The following XPR1 variants were observed in gnomAD, a reference collection of about 807,000 sequenced individuals.
The protein encoded by XPR1 is xenotropic and polytropic retrovirus receptor 1.
XPR1 carries 28 observed loss-of-function variants against 87.5 expected under a neutral mutation model. The ratio of observed to expected loss-of-function variants is 0.32; its 90% confidence interval spans 0.24 to 0.44. The LOEUF (loss-of-function observed/expected upper bound fraction) is 0.44, where lower values mean the gene tolerates loss of function less well. Ranked by LOEUF, XPR1 falls within the 20% of genes least tolerant of loss-of-function variation. XPR1 has a pLI of 1.00. For synonymous variants in XPR1, 300 were observed against 306.1 expected (o/e 0.98, Z 0.21); for missense variants, 559 against 862.3 (o/e 0.65, Z 4.41).
rs1034659681 is a variant in XPR1, at chr1:180,761,517, A to G, written c.122-26236A>G. Among the ~76,000 whole-genome samples, 10 of 152,274 alleles carry G rather than the reference A, an allele frequency of 6.6e-5. No homozygotes were observed. In the South Asian group the frequency reaches 8.3e-4, roughly 13 times the overall value. ...TTTATGCAGCCAAAAAACACATGAA[A>G]AAATGCTCATCATCACTGGCCATCA... On this transcript the variant is annotated intron_variant, in intron 2 of 14. Transcript: ENST00000367590.
rs539489919 is a variant in XPR1, at chr1:180,702,729, T to C, written c.121+20318T>C. ...TTTATATTGTTTATCTGTGTTCTCA[T>C]TGAGTTTCTTTAATATTATTTTGAA... On this transcript the variant is annotated intron_variant, in intron 2 of 14. Transcript: ENST00000367590. 5.3e-5 allele frequency among the ~76,000 whole-genome samples: 8 copies of C among 152,292 alleles called. No homozygotes were observed. The South Asian group carries it at 1.5e-3, about 28-fold the overall frequency.
At chr1:180,790,157 A>T (rs775916920) in intron 3 of XPR1, among the ~76,000 whole-genome samples, 8 of 152,098 alleles carry the variant, frequency 5.3e-5, no homozygotes, top group Middle Eastern at 3.2e-3. Flanking sequence ...GCCTATAGAC[A>T]TTCTCATCCT....
intron 2 of XPR1, among the ~76,000 whole-genome samples, chr1:180,750,895 A>G (rs147699584): frequency 1.6e-3 from 248 of 152,150 alleles, no homozygotes; most frequent in Admixed American, 3.3e-3. Context: ...ACACTTCTGC[A>G]TTTATTTAGG....
chr1:180,656,078 C>T (rs1655456800), intron 1 of XPR1, among the ~76,000 whole-genome samples: 1 of 151,002 alleles, frequency 6.6e-6, no homozygotes, highest in African/African-American at 2.4e-5. Flanking sequence ...TTTTTTGGTA[C>T]CCATTAACTA....
In XPR1 at chr1:180,763,889, T is replaced by C. The variant is rs151097665; in HGVS notation, c.122-23864T>C. 3.3e-5 allele frequency among the ~76,000 whole-genome samples: 5 copies of C among 152,342 alleles called. 1 individual carries two copies. The East Asian group carries it at 9.6e-4, about 29-fold the overall frequency. On this transcript the variant is annotated intron_variant, in intron 2 of 14. Coordinates refer to ENST00000367590, the MANE Select transcript of XPR1 (RefSeq NM_004736.4). ...TTTTATCTCACCTAAAAAAATAAAATACTGTGTACACAATAACCCTTTAAT... is the reference window on the plus strand; with the variant it reads ...TTTTATCTCACCTAAAAAAATAAAACACTGTGTACACAATAACCCTTTAAT...
chr1:180,779,171 C>T (rs1366779796), intron 2 of XPR1, among the ~76,000 whole-genome samples: 1 of 152,064 alleles, frequency 6.6e-6, no homozygotes, highest in Non-Finnish European at 1.5e-5. Flanking sequence ...TCATTTCTTA[C>T]TCTGCCAGAA....
intron 2 of XPR1, among the ~76,000 whole-genome samples, chr1:180,709,589 A>G (rs988230113): frequency 4.6e-5 from 7 of 152,162 alleles, no homozygotes; most frequent in Non-Finnish European, 1.0e-4. Flanking sequence ...AGTCAACCTA[A>G]TTATTTTGAG....
intron 2 of XPR1, among the ~76,000 whole-genome samples, chr1:180,738,129 A>C (rs1658788751): frequency 6.6e-6 from 1 of 152,118 alleles, no homozygotes; most frequent in African/African-American, 2.4e-5. Context: ...CTCCTGCGTC[A>C]GCCTCCCGAG....
chr1:180,712,154 T>A (rs1384674072), intron 2 of XPR1, among the ~76,000 whole-genome samples: 1 of 152,202 alleles, frequency 6.6e-6, no homozygotes, highest in Non-Finnish European at 1.5e-5. Context: ...CTAACAATAA[T>A]AAAATATAAC....
intron 2 of XPR1, among the ~76,000 whole-genome samples, chr1:180,768,124 A>G (rs1452465827): frequency 6.6e-6 from 1 of 152,154 alleles, no homozygotes; most frequent in Non-Finnish European, 1.5e-5. Flanking sequence ...GATTACAGGC[A>G]TGAGCCACCG....
rs534476286 is a variant in XPR1 at position 180,675,607 on chromosome 1, T to C, written c.70-6753T>C. ...ATGCAAAGGATTGCTTTTAATCCTTTGGAAATCAAAGAACTCACGTAATGC... is the reference window on the plus strand; with the variant it reads ...ATGCAAAGGATTGCTTTTAATCCTTCGGAAATCAAAGAACTCACGTAATGC... On this transcript the variant is annotated intron_variant, in intron 1 of 14. Transcript: ENST00000367590. Among the ~76,000 whole-genome samples the C allele has an allele frequency of 1.8e-4, 27 of 152,358 alleles. No homozygotes were observed. In the South Asian group the frequency reaches 5.4e-3, roughly 30 times the overall value.
At chr1:180,796,924 A>G (rs1180619701) in intron 3 of XPR1, among the ~76,000 whole-genome samples, 1 of 152,200 alleles carries the variant, frequency 6.6e-6, no homozygotes. Flanking sequence ...AAGATTATAT[A>G]TTGTATGATT....
In XPR1 at chr1:180,885,425, TA is replaced by T. The variant is rs1652981471; in HGVS notation, c.*1360del. Reference sequence around the variant, plus strand: ...CATGAAAAGTACACTGCTTAGAAATTATAGACTATTATGATCTGTCCACAGT... The same window carrying T: ...CATGAAAAGTACACTGCTTAGAAATTTAGACTATTATGATCTGTCCACAGT... On this transcript the variant is annotated 3_prime_UTR_variant, in exon 15 of 15. Transcript: ENST00000367590. 1 of 152,296 alleles carries T rather than the reference TA, an allele frequency of 6.6e-6. No individual in the cohort carries two copies. The allele number at this position is 152,296 out of a possible 1,614,324, so 9.4% of individuals were successfully genotyped here. A position where few individuals can be genotyped will look rare whatever the true frequency, so the allele number is the denominator to read the frequency against.
chr1:180,725,547 T>G (rs1013150289), intron 2 of XPR1, among the ~76,000 whole-genome samples: 1 of 152,354 alleles, frequency 6.6e-6, no homozygotes, highest in African/African-American at 2.4e-5. Flanking sequence ...ACTGTTTGGC[T>G]TTGCTTCCCT....
intron 2 of XPR1, among the ~76,000 whole-genome samples, chr1:180,760,236 T>C (rs1647958504): frequency 6.6e-6 from 1 of 152,152 alleles, no homozygotes; most frequent in African/African-American, 2.4e-5. Flanking sequence ...CCGCTCCTAT[T>C]CAACATAGTG....
chr1:180,705,179 G>A (rs1243705750), intron 2 of XPR1, among the ~76,000 whole-genome samples: 1 of 151,942 alleles, frequency 6.6e-6, no homozygotes, highest in African/African-American at 2.4e-5. Flanking sequence ...GGGGGTGGGG[G>A]ATCTACCTGT....
chr1:180,760,883 A>G (rs1647995198), intron 2 of XPR1, among the ~76,000 whole-genome samples: 1 of 152,178 alleles, frequency 6.6e-6, no homozygotes, highest in South Asian at 2.1e-4. Context: ...AGGCTACAGT[A>G]ACCAAAACAG....
At chr1:180,783,107 A>G (rs1649004198) in intron 2 of XPR1, among the ~76,000 whole-genome samples, 3 of 151,988 alleles carry the variant, frequency 2.0e-5, no homozygotes, top group Admixed American at 2.0e-4. Context: ...CATTCTATAT[A>G]CTGGTATAGA....
chr1:180,822,866 G>C (rs6668077), intron 7 of XPR1, among the ~76,000 whole-genome samples: 6,547 of 152,170 alleles, frequency 0.043, 501 homozygotes, highest in African/African-American at 0.15. Flanking sequence ...TTTCTCTACC[G>C]TGTTATTTTA....
Sources: gnomAD v4.1 joint callset for allele counts (sites outside exome capture counted in the v4.1 genomes callset) on GRCh38, gnomAD v4.1.1 for gene constraint, MANE v1.5 for transcripts, NCBI Gene and HGNC (gene_info 2026-07-23, HGNC 2026-07-21) for gene names.